Variants in DHODH observed in about 807,000 individuals in gnomAD.
DHODH encodes dihydroorotate dehydrogenase (quinone), mitochondrial.
Under a neutral mutation model 39.7 loss-of-function variants are expected in DHODH, and 30 were observed. The observed-to-expected ratio is 0.76, with a 90% CI of 0.57 to 1.02. DHODH has a LOEUF of 1.02. DHODH is among the 50% of genes least tolerant of loss of function. The probability of loss-of-function intolerance (pLI) is 0.00; values close to 1 mark genes in which losing one functional copy is unlikely to be tolerated. For synonymous variants in DHODH, 222 were observed against 213.8 expected, an observed-to-expected ratio of 1.04 and a Z score of -0.34; for missense variants, 531 against 520.8, an observed-to-expected ratio of 1.02 and a Z score of -0.19.
Position 72,027,000 on chromosome 16 carries a change from TGTGTG to T in DHODH, c.*2802_*2806del, listed in dbSNP as rs1567576059. 3,027 of 103,712 alleles carry T rather than the reference TGTGTG, an allele frequency of 0.029. 69 individuals carry two copies. The highest frequency in any genetic ancestry group is 0.045 in the Non-Finnish European group (2,058 of 45,500). 6.4% of individuals were successfully genotyped at this position (103,712 alleles called of 1,614,324 possible). ...GTGTGTGTGTGTGTGTGTGTGTGTG[TGTGTG>T]TGTGTTTTTGAGATGGAGTCCTGCT... On this transcript the variant is annotated 3_prime_UTR_variant, in exon 9 of 9. Transcript: ENST00000219240.
In DHODH at chr16:72,024,738, C is replaced by T. The variant is rs972323055; in HGVS notation, c.*539C>T. 1.1e-4 allele frequency: 17 copies of T among 155,778 alleles called. No homozygotes were observed. The highest frequency in any genetic ancestry group is 3.1e-3 in the Middle Eastern group (1 of 318). 9.6% of individuals were successfully genotyped at this position (155,778 alleles called of 1,614,324 possible). A position where few individuals can be genotyped will look rare whatever the true frequency, so the allele number is the denominator to read the frequency against. ...ATCCCAGCACTTTGGGAGGCCGAGGCGGGCGGATCACCTGAGGCCAGGAGT... is the reference window on the plus strand; with the variant it reads ...ATCCCAGCACTTTGGGAGGCCGAGGTGGGCGGATCACCTGAGGCCAGGAGT... On this transcript the variant is annotated 3_prime_UTR_variant, in exon 9 of 9. Coordinates refer to ENST00000219240, the MANE Select transcript of DHODH (RefSeq NM_001361.5).
chr16:72,023,649 TG>T lies in DHODH; in HGVS notation c.1133+17del. 6.2e-7 allele frequency: 1 copy of T among 1,613,146 alleles called. No individual in the cohort carries two copies. The highest frequency in any genetic ancestry group is 8.5e-7 in the Non-Finnish European group (1 of 1,180,012). ...CCCTTCTGAAGTGAGTGAGGTCATG[TG>T]TGGCTTGAAACAGAAGTTAGGCAGA... On this transcript the variant is annotated intron_variant, in intron 8 of 8. Coordinates refer to ENST00000219240, the MANE Select transcript of DHODH (RefSeq NM_001361.5).
chr16:72,008,914 G>T lies in DHODH; in HGVS notation c.21+129G>T. On this transcript the variant is annotated intron_variant, in intron 1 of 8. Coordinates refer to ENST00000219240, the MANE Select transcript of DHODH (RefSeq NM_001361.5). Reference sequence around the variant, plus strand: ...GTGTGGGCCCCCCTGGGACGTGTGCGTGTTTCCGGGGTCTCCTGCAAATGC... The same window carrying T: ...GTGTGGGCCCCCCTGGGACGTGTGCTTGTTTCCGGGGTCTCCTGCAAATGC... 18 of 1,537,244 alleles carry T rather than the reference G, an allele frequency of 1.2e-5. No homozygotes were observed. In the South Asian group the frequency reaches 1.9e-4, roughly 16 times the overall value.
At chr16:72,015,597 G>T in intron 3 of DHODH, 1 of 754,814 alleles carries the variant, frequency 1.3e-6, no homozygotes, top group Non-Finnish European at 1.6e-6. Flanking sequence ...ACATTTACTT[G>T]GCCGTGCTTC....
chr16:72,021,406 G>A (rs2041216056), intron 5 of DHODH, 95 bp downstream of exon 5: 2 of 1,376,400 alleles, frequency 1.5e-6, no homozygotes. Flanking sequence ...ATCACCCTCA[G>A]AAGCTGTCCT....
intron 2 of DHODH, among the ~76,000 whole-genome samples, chr16:72,014,059 G>C (rs1249962739): frequency 6.6e-6 from 1 of 152,146 alleles, no homozygotes; most frequent in Non-Finnish European, 1.5e-5. Flanking sequence ...TGCTTGACAC[G>C]CCTTGGTTTC....
intron 2 of DHODH, chr16:72,013,657 C>G (rs1248101983): frequency 6.6e-6 from 1 of 152,240 alleles, no homozygotes; most frequent in Non-Finnish European, 1.5e-5. Context: ...AGTTTCACCG[C>G]CACATCTGAG....
chr16:72,014,679 G>A lies in DHODH; in HGVS notation c.434+7G>A. On this transcript the variant is annotated splice_region_variant and intron_variant, in intron 3 of 8. Coordinates refer to ENST00000219240, the MANE Select transcript of DHODH (RefSeq NM_001361.5). ...ACCAAGCTGTCATTAACAGGTAGGT[G>A]AGCGGCCCAGAGTTAACGGGGGATG... is the stretch of plus-strand genomic sequence containing the variant. 1 of 1,613,884 alleles carries A rather than the reference G, an allele frequency of 6.2e-7. No homozygotes were observed. Among genetic ancestry groups the A allele is most frequent in the Non-Finnish European group, 8.5e-7 (1 of 1,179,944 alleles).
At chr16:72,016,933 T>C in intron 3 of DHODH, 91 bp from the exon 4 acceptor site, 1 of 1,230,414 alleles carries the variant, frequency 8.1e-7, no homozygotes, top group East Asian at 2.4e-5. Context: ...TGTGATTTTT[T>C]TTTTTCTCTT....
At chr16:72,009,936 T>C (rs1025401227) in intron 1 of DHODH, among the ~76,000 whole-genome samples, 15 of 152,070 alleles carry the variant, frequency 9.9e-5, no homozygotes, top group Non-Finnish European at 1.6e-4. Flanking sequence ...TGGAGAGAGA[T>C]GGGATCTCAC....
intron 5 of DHODH, among the ~76,000 whole-genome samples, chr16:72,022,113 G>C (rs116955639): frequency 2.1e-4 from 29 of 140,752 alleles, no homozygotes; most frequent in African/African-American, 7.8e-4. Context: ...AAAAAAAAAA[G>C]AAAAGAAAAG....
At chr16:72,017,770 C>T (rs200421626) in intron 4 of DHODH, among the ~76,000 whole-genome samples, 122 of 103,770 alleles carry the variant, frequency 1.2e-3, no homozygotes, top group Middle Eastern at 7.2e-3. Context: ...AAACAACATG[C>T]TTTTTTTTTT....
rs2041266564 is a variant in DHODH at position 72,025,269 on chromosome 16, A to G, written c.*1070A>G. On this transcript the variant is annotated 3_prime_UTR_variant, in exon 9 of 9. Coordinates refer to ENST00000219240, the MANE Select transcript of DHODH (RefSeq NM_001361.5). Reference sequence around the variant, plus strand: ...CCTCCCAGACTTTTCCCCTGCATAAAGATGTTCATTTTGTACATACACTCA... The same window carrying G: ...CCTCCCAGACTTTTCCCCTGCATAAGGATGTTCATTTTGTACATACACTCA... 1 of 152,224 alleles carries G rather than the reference A, an allele frequency of 6.6e-6. No individual in the cohort carries two copies. Among genetic ancestry groups the G allele is most frequent in the Non-Finnish European group, 1.5e-5 (1 of 68,052 alleles). The allele number at this position is 152,224 out of a possible 1,614,324, so 9.4% of individuals were successfully genotyped here. A position where few individuals can be genotyped will look rare whatever the true frequency, so the allele number is the denominator to read the frequency against.
chr16:72,020,137 G>A (rs565974778), intron 4 of DHODH, among the ~76,000 whole-genome samples: 72 of 151,946 alleles, frequency 4.7e-4, no homozygotes, highest in Admixed American at 2.6e-3. Context: ...TTAGCTGGGC[G>A]TGGTGGCACA....
chr16:72,014,771 G>C, intron 3 of DHODH, 99 bp downstream of exon 3: 1 of 1,180,806 alleles, frequency 8.5e-7, no homozygotes, highest in Non-Finnish European at 1.2e-6. Flanking sequence ...CTCATACAAT[G>C]TGGACATTCT....
At position 72,023,486 on chromosome 16, in the gene DHODH, T is replaced by C; in HGVS notation, c.986T>C (p.Ile329Thr). The C allele has an allele frequency of 6.2e-7, 1 of 1,614,090 alleles. No individual in the cohort carries two copies. The highest frequency in any genetic ancestry group is 8.5e-7 in the Non-Finnish European group (1 of 1,180,012). ...MYALTQGRVP[I>T]IGVGGVSSGQ... ...TGCTTCTCTGTAGGCCGAGTTCCCA[T>C]AATTGGGGTTGGTGGTGTGAGCAGC... The change falls in exon 8 of 9, where the codon ATA becomes ACA. Residue 329 changes from isoleucine (I) to threonine (T), a missense_variant. Coordinates refer to ENST00000219240, the MANE Select transcript of DHODH (RefSeq NM_001361.5).
At chr16:72,022,323 G>A in intron 5 of DHODH, 39 bp from the exon 6 acceptor site, 1 of 1,484,740 alleles carries the variant, frequency 6.7e-7, no homozygotes, top group South Asian at 1.2e-5. Context: ...CAGGGCTGTG[G>A]TCTGCGGGGT....
chr16:72,017,099 C>T lies in DHODH; in HGVS notation c.510C>T (p.Leu170=). The stretch of plus-strand genomic sequence containing the variant: ...CCAGACAGCAGAAGCAGGCCAAGCT[C>T]ACAGAAGGTAAAGTGGGGTTGTGTC... The part of the protein sequence containing the change: ...LRARQQKQAK[L]TEDGLPLGVN... Residue 170 remains leucine (L), a synonymous_variant, in exon 4 of 9, where the codon CTC becomes CTT. Coordinates refer to ENST00000219240, the MANE Select transcript of DHODH (RefSeq NM_001361.5). The T allele has an allele frequency of 1.9e-6, 3 of 1,613,920 alleles. No homozygotes were observed. Among genetic ancestry groups the T allele is most frequent in the Non-Finnish European group, 2.5e-6 (3 of 1,179,942 alleles).
At chr16:72,009,485 G>C (rs1301519119) in intron 1 of DHODH, among the ~76,000 whole-genome samples, 1 of 117,832 alleles carries the variant, frequency 8.5e-6, no homozygotes, top group Non-Finnish European at 1.7e-5. Flanking sequence ...AGTCCGGCCT[G>C]GGCGACAGAG....
Sources: gnomAD v4.1 joint callset for allele counts (sites outside exome capture counted in the v4.1 genomes callset) on GRCh38, gnomAD v4.1.1 for gene constraint, MANE v1.5 for transcripts, NCBI Gene and HGNC (gene_info 2026-07-23, HGNC 2026-07-21) for gene names.